Variants in KLHL7 observed in about 807,000 individuals in gnomAD.
The protein encoded by KLHL7 is kelch like family member 7.
KLHL7 carries 44 observed loss-of-function variants against 67.4 expected under a neutral mutation model. That is an observed-to-expected ratio of 0.65 (90% CI 0.51 to 0.84). The LOEUF is 0.84. Among genes scored for constraint, KLHL7 ranks in the 40% least tolerant of loss-of-function variants. The probability of loss-of-function intolerance (pLI) is 0.00; values close to 1 mark genes in which losing one functional copy is unlikely to be tolerated. For missense variants in KLHL7, 362 were observed against 718.1 expected (o/e 0.50, Z 5.67); for synonymous variants, 252 against 243.3 (o/e 1.04, Z -0.33).
At chr7:23,169,950 C>G (rs1163588640) in intron 9 of KLHL7, among the ~76,000 whole-genome samples, 2 of 152,152 alleles carry the variant, frequency 1.3e-5, no homozygotes, top group Non-Finnish European at 2.9e-5. Flanking sequence ...TGGTTCATAC[C>G]TGTAATCCCA....
intron 1 of KLHL7, chr7:23,117,852 C>G (rs1474167192): frequency 6.2e-7 from 1 of 1,612,658 alleles, no homozygotes; most frequent in African/African-American, 1.3e-5. Flanking sequence ...ATCTACCACC[C>G]AGCTGTAGTT....
intron 9 of KLHL7, among the ~76,000 whole-genome samples, chr7:23,171,968 C>T (rs1718375614): frequency 6.6e-6 from 1 of 152,242 alleles, no homozygotes; most frequent in African/African-American, 2.4e-5. Context: ...CTCGGCCTCC[C>T]AACGTGGTGG....
At chr7:23,121,768 C>CTCCTGGGTTCAT (rs1783354977) in intron 1 of KLHL7, among the ~76,000 whole-genome samples, 1 of 150,792 alleles carries the variant, frequency 6.6e-6, no homozygotes, top group Non-Finnish European at 1.5e-5. Context: ...CTGCAAGCTC[C>CTCCTGGGTTCAT]GCCTCCTGGG....
intron 4 of KLHL7, 135 bp from the exon 5 acceptor site, chr7:23,140,634 A>G (rs1412837114): frequency 1.3e-6 from 1 of 770,922 alleles, no homozygotes; most frequent in East Asian, 2.7e-5. Flanking sequence ...GAATAGACAA[A>G]TCAATGAAAC....
intron 9 of KLHL7, among the ~76,000 whole-genome samples, chr7:23,172,480 C>T (rs1785192198): frequency 6.6e-6 from 1 of 152,086 alleles, no homozygotes; most frequent in East Asian, 1.9e-4. Context: ...TTCCTGATTG[C>T]CTGAGGCCCA....
At chr7:23,173,939 A>G in intron 10 of KLHL7, 76 bp from the exon 11 acceptor site, 1 of 1,442,256 alleles carries the variant, frequency 6.9e-7, no homozygotes, top group South Asian at 1.2e-5. Context: ...GGAAAAATAC[A>G]AAAAGTTATT....
At chr7:23,128,491 C>A (rs143830961) in intron 4 of KLHL7, among the ~76,000 whole-genome samples, 224 of 145,820 alleles carry the variant, frequency 1.5e-3, no homozygotes, top group Non-Finnish European at 2.9e-3. Flanking sequence ...GAGTATTAAA[C>A]CTGATCAATG....
intron 6 of KLHL7, among the ~76,000 whole-genome samples, chr7:23,151,153 T>TTTTTTA (rs1380642191): frequency 8.5e-6 from 1 of 117,956 alleles, no homozygotes; most frequent in African/African-American, 4.6e-5. Context: ...TCTGGGCCTG[T>TTTTTTA]TTTGTTTTTT....
intron 7 of KLHL7, among the ~76,000 whole-genome samples, chr7:23,155,051 A>G (rs1372577142): frequency 6.6e-6 from 1 of 152,232 alleles, no homozygotes; most frequent in Non-Finnish European, 1.5e-5. Context: ...TAGATTTGTT[A>G]ATCACCATCA....
intron 1 of KLHL7, among the ~76,000 whole-genome samples, chr7:23,108,790 T>C (rs1034250207): frequency 2.0e-5 from 3 of 152,258 alleles, no homozygotes; most frequent in Non-Finnish European, 4.4e-5. Context: ...TGTAATCATA[T>C]GGCATAAACT....
chr7:23,128,811 C>G (rs1292529706), intron 4 of KLHL7, among the ~76,000 whole-genome samples: 1 of 152,156 alleles, frequency 6.6e-6, no homozygotes, highest in Non-Finnish European at 1.5e-5. Context: ...TTTGCCTATT[C>G]TGAGTGTTTC....
chr7:23,124,562 C>T, intron 2 of KLHL7, 126 bp from the exon 3 acceptor site: 3 of 713,348 alleles, frequency 4.2e-6, no homozygotes, highest in Non-Finnish European at 7.8e-6. Context: ...CTTGCTGGGG[C>T]ATTTTCTTCC....
At chr7:23,141,147 G>A (rs1162031788) in intron 5 of KLHL7, among the ~76,000 whole-genome samples, 1 of 152,180 alleles carries the variant, frequency 6.6e-6, no homozygotes, top group Non-Finnish European at 1.5e-5. Flanking sequence ...AAGCCATTGG[G>A]TACCATGGTA....
chr7:23,127,571 C>A (rs1037974434), intron 4 of KLHL7, among the ~76,000 whole-genome samples: 1 of 152,050 alleles, frequency 6.6e-6, no homozygotes, highest in Non-Finnish European at 1.5e-5. Flanking sequence ...TCTCTGCTGC[C>A]CAGAAAGAGT....
chr7:23,117,081 CTTTTTTT>C (rs34692665), intron 1 of KLHL7, among the ~76,000 whole-genome samples: 4,600 of 68,316 alleles, frequency 0.067, 140 homozygotes, highest in African/African-American at 0.14. Context: ...AGAGCCAGGC[CTTTTTTT>C]TTTTTTTTTT....
intron 7 of KLHL7, among the ~76,000 whole-genome samples, chr7:23,156,846 G>A (rs938198894): frequency 6.6e-6 from 1 of 152,106 alleles, no homozygotes; most frequent in Non-Finnish European, 1.5e-5. Flanking sequence ...TTATAAGGAT[G>A]AATGAACCAA....
chr7:23,122,597 G>A (rs1783397841), intron 1 of KLHL7, among the ~76,000 whole-genome samples: 1 of 152,176 alleles, frequency 6.6e-6, no homozygotes, highest in Non-Finnish European at 1.5e-5. Context: ...TTAAGCAATA[G>A]TCAATACTAG....
At chr7:23,139,348 A>C (rs780040566) in intron 4 of KLHL7, among the ~76,000 whole-genome samples, 3 of 152,266 alleles carry the variant, frequency 2.0e-5, no homozygotes, top group Non-Finnish European at 4.4e-5. Context: ...TTACTATGCT[A>C]ACAAGCTGTA....
At chr7:23,106,380 T>G in intron 1 of KLHL7, 2 of 1,366,450 alleles carry the variant, frequency 1.5e-6, no homozygotes, top group Non-Finnish European at 1.9e-6. Flanking sequence ...GTCAGACTCC[T>G]GGGGGACTCC....
Sources: allele counts gnomAD v4.1 joint callset (sites outside exome capture counted in the v4.1 genomes callset), GRCh38; gene constraint gnomAD v4.1.1; transcripts MANE v1.5; gene names NCBI Gene and HGNC (gene_info 2026-07-23, HGNC 2026-07-21).